Variants in CENPN observed in about 807,000 individuals in gnomAD.
CENPN encodes the protein interphase centromere complex protein 32.
A neutral mutation model predicts 48.6 loss-of-function variants in CENPN; 36 were observed. That is an observed-to-expected ratio of 0.74 (90% CI 0.57 to 0.98). The LOEUF is 0.98. Among genes scored for constraint, CENPN ranks in the 50% least tolerant of loss-of-function variants. CENPN has a pLI of 0.00. For synonymous variants in CENPN, 166 were observed against 135.2 expected, an observed-to-expected ratio of 1.23 and a Z score of -1.58; for missense variants, 439 against 399.2, an observed-to-expected ratio of 1.10 and a Z score of -0.85.
intron 7 of CENPN, chr16:81,023,115 T>C (rs1005064750): frequency 2.4e-5 from 9 of 371,098 alleles, no homozygotes; most frequent in Middle Eastern, 1.7e-3. Flanking sequence ...AGCAGTGGTT[T>C]TTTAAATCCC....
downstream of CENPN, chr16:81,032,587 CA>C (rs745769354): frequency 1.2e-6 from 2 of 1,609,618 alleles, no homozygotes; most frequent in Non-Finnish European, 1.7e-6. Context: ...TTGCAGGATC[CA>C]AAAGCTGCTC....
chr16:81,020,740 C>A (rs191489973), intron 6 of CENPN, among the ~76,000 whole-genome samples: 2 of 152,258 alleles, frequency 1.3e-5, no homozygotes, highest in Non-Finnish European at 1.5e-5. Flanking sequence ...CTATTCCGTT[C>A]GTTCAAAATA....
chr16:81,012,217 T>C, intron 2 of CENPN, 107 bp downstream of exon 2: 1 of 970,280 alleles, frequency 1.0e-6, no homozygotes, highest in Non-Finnish European at 1.5e-6. Context: ...GCTAAACTAC[T>C]AGTGAAGTGA....
At chr16:81,018,252 C>T (rs573471493) in intron 5 of CENPN, among the ~76,000 whole-genome samples, 1 of 152,140 alleles carries the variant, frequency 6.6e-6, no homozygotes, top group African/African-American at 2.4e-5. Flanking sequence ...TCTCGGCTCA[C>T]TGCAACTGCC....
At position 81,012,152 on chromosome 16, in the gene CENPN, C is replaced by G. The variant is rs754891281; in HGVS notation, c.171+42C>G. 4.5e-6 allele frequency: 7 copies of G among 1,567,826 alleles called. No individual in the cohort carries two copies. The South Asian group carries it at 5.7e-5, about 13-fold the overall frequency. On this transcript the variant is annotated intron_variant, in intron 2 of 10. Transcript: ENST00000305850. ...TGATGAGCCTTGAACAGAGTGCTAC[C>G]CCCTTGGGTTTTTCTTTCTTCTATT... is the stretch of plus-strand genomic sequence containing the variant.
chr16:81,018,978 TC>T (rs970791262), intron 5 of CENPN, among the ~76,000 whole-genome samples: 10 of 152,320 alleles, frequency 6.6e-5, no homozygotes, highest in African/African-American at 2.2e-4. Flanking sequence ...CCTATTAAAT[TC>T]CAGACCAATT....
rs112550584 is a variant in CENPN at position 81,017,899 on chromosome 16, C to G, written c.354+65C>G. On this transcript the variant is annotated intron_variant, in intron 5 of 10. Coordinates refer to ENST00000305850, the MANE Select transcript of CENPN (RefSeq NM_001100624.3). ...ATGACGTCTGTGCACTTAAAATTTGCTACTATCATAGTTTTTTTTTAATTT... is the reference window on the plus strand; with the variant it reads ...ATGACGTCTGTGCACTTAAAATTTGGTACTATCATAGTTTTTTTTTAATTT... 9.2e-3 allele frequency: 8,531 copies of G among 932,106 alleles called. 75 individuals are homozygous for G. Among genetic ancestry groups the G allele is most frequent in the Non-Finnish European group, 0.01 (6,375 of 607,858 alleles). 57.7% of individuals were successfully genotyped at this position (932,106 alleles called of 1,614,324 possible).
intron 1 of CENPN, among the ~76,000 whole-genome samples, chr16:81,008,078 C>T (rs1969538508): frequency 6.6e-6 from 1 of 152,012 alleles, no homozygotes; most frequent in Non-Finnish European, 1.5e-5. Context: ...CTGCACTGCA[C>T]CCTGGGCGAC....
intron 5 of CENPN, among the ~76,000 whole-genome samples, chr16:81,019,719 T>A (rs985172174): frequency 1.3e-4 from 19 of 151,912 alleles, no homozygotes; most frequent in African/African-American, 3.4e-4. Flanking sequence ...AAAACTTTTT[T>A]AAAAAAATTA....
At chr16:81,031,824 A>G (rs1433584071), downstream of CENPN, among the ~76,000 whole-genome samples, 1 of 152,160 alleles carries the variant, frequency 6.6e-6, no homozygotes, top group Non-Finnish European at 1.5e-5. Flanking sequence ...ACTGGTCTCA[A>G]ACTCCTGACC....
Position 81,030,081 on chromosome 16 carries a change from T to C in CENPN, c.*1430T>C. On this transcript the variant is annotated 3_prime_UTR_variant, in exon 11 of 11. Coordinates refer to ENST00000305850, the MANE Select transcript of CENPN (RefSeq NM_001100624.3). Reference sequence around the variant, plus strand: ...ACCAGAGCTCATGAAACTTATTCACTACCATGAGAATAGTATGGGGGAAAT... The same window carrying C: ...ACCAGAGCTCATGAAACTTATTCACCACCATGAGAATAGTATGGGGGAAAT... 2.4e-6 allele frequency: 1 copy of C among 423,850 alleles called. No individual in the cohort carries two copies. The highest frequency in any genetic ancestry group is 9.9e-5 in the South Asian group (1 of 10,052). The allele number at this position is 423,850 out of a possible 1,614,324, so 26.3% of individuals were successfully genotyped here.
At chr16:81,026,497 C>T (rs1268059560) in intron 8 of CENPN, 29 bp from the exon 9 acceptor site, 2 of 1,081,084 alleles carry the variant, frequency 1.9e-6, no homozygotes, top group African/African-American at 1.6e-5. Context: ...TTCCTAACGG[C>T]TGTTTTATTT....
intron 5 of CENPN, among the ~76,000 whole-genome samples, chr16:81,019,417 A>G (rs965875600): frequency 7.4e-5 from 11 of 148,768 alleles, no homozygotes; most frequent in African/African-American, 2.2e-4. Context: ...GAGTTTCACT[A>G]TGTTGTCCAG....
chr16:81,024,086 A>C (rs981615872), intron 7 of CENPN: 1 of 152,142 alleles, frequency 6.6e-6, no homozygotes, highest in Non-Finnish European at 1.5e-5. Context: ...GTCTCAAAAA[A>C]AAAAGTAGCC....
Position 81,029,129 on chromosome 16 carries a change from T to C in CENPN, c.*478T>C, listed in dbSNP as rs1970652074. ...TTTTAGGAGAATCATGAAATTGGTC[T>C]ATTCAAAGGATGGAGTTGAGTCCAT... On this transcript the variant is annotated 3_prime_UTR_variant, in exon 11 of 11. Transcript: ENST00000305850. 1 of 985,594 alleles carries C rather than the reference T, an allele frequency of 1.0e-6. No individual in the cohort carries two copies. The highest frequency in any genetic ancestry group is 1.2e-6 in the Non-Finnish European group (1 of 830,158). The allele number at this position is 985,594 out of a possible 1,614,324, so 61.1% of individuals were successfully genotyped here.
At chr16:81,012,312 G>C (rs905999172) in intron 2 of CENPN, among the ~76,000 whole-genome samples, 22 of 152,082 alleles carry the variant, frequency 1.4e-4, no homozygotes, top group Admixed American at 9.2e-4. Context: ...AAATCAATAA[G>C]ATGGAAAAAG....
Position 81,028,612 on chromosome 16 carries a change from C to T in CENPN, c.981C>T (p.Pro327=). 1 of 1,611,780 alleles carries T rather than the reference C, an allele frequency of 6.2e-7. No homozygotes were observed. Among genetic ancestry groups the T allele is most frequent in the Non-Finnish European group, 8.5e-7 (1 of 1,179,456 alleles). Residue 327 remains proline, a synonymous_variant, in exon 11 of 11, where the codon CCC becomes CCT. Transcript: ENST00000305850. The part of the protein sequence containing the change: ...APLSPLLTCI[P]NKRMNYFKIR... ...TTTCTCCACTGCTCACTTGCATACC[C>T]AACAAGAGAATGAATTATTTTAAAA...
intron 5 of CENPN, 74 bp from the exon 6 acceptor site, chr16:81,020,026 A>T: frequency 2.9e-6 from 4 of 1,372,492 alleles, no homozygotes; most frequent in Non-Finnish European, 4.0e-6. Flanking sequence ...TTCACCCCTA[A>T]TAAGCACCTG....
intron 6 of CENPN, chr16:81,020,631 T>A (rs184089555): frequency 5.9e-6 from 1 of 168,286 alleles, no homozygotes; most frequent in East Asian, 1.6e-4. Context: ...ATTTTATTGT[T>A]TTTTGATCTA....
Sources: gnomAD v4.1 joint callset for allele counts (sites outside exome capture counted in the v4.1 genomes callset) on GRCh38, gnomAD v4.1.1 for gene constraint, MANE v1.5 for transcripts, NCBI Gene and HGNC (gene_info 2026-07-23, HGNC 2026-07-21) for gene names.